ZBBX: variants seen among roughly 807,000 people sequenced by gnomAD.
ZBBX encodes the protein zinc finger B-box domain containing, also known as zinc finger B-box domain-containing protein 1.
In ZBBX, 101 loss-of-function variants were observed where a neutral mutation model predicts 108.5. The ratio of observed to expected loss-of-function variants is 0.93; its 90% CI spans 0.79 to 1.10. ZBBX has a LOEUF of 1.10. Ranked by LOEUF, ZBBX falls within the 50% of genes least tolerant of loss-of-function variation. ZBBX has a pLI of 0.00. For missense variants in ZBBX, 1,009 were observed against 941.4 expected (o/e 1.07, Z -0.94); for synonymous variants, 356 against 323.4 (o/e 1.10, Z -1.08).
the ZBBX span, among the ~76,000 whole-genome samples, chr3:167,193,466 CTA>C: frequency 6.6e-6 from 1 of 152,264 alleles, no homozygotes; most frequent in East Asian, 1.9e-4. Context: ...TTGTCTCTGG[CTA>C]TCCTCAGTGG....
Position 167,317,092 on chromosome 3 carries a change from T to C in ZBBX, c.1107A>G (p.Lys369=), listed in dbSNP as rs1191418379. ...GCAATAAAAGAGCTGTGTGTTGTAC[T>C]TTGGTCTCCTCACCTAGGAAATAAG... is the stretch of plus-strand genomic sequence containing the variant. ...NDEDSDGEET[K]VQHTALLLPV... Residue 369 remains lysine (K), a synonymous_variant, in exon 14 of 22, where the codon AAA becomes AAG. Coordinates refer to ENST00000675490, the MANE Select transcript of ZBBX (RefSeq NM_001199201.2). 2.5e-6 allele frequency: 4 copies of C among 1,605,680 alleles called. No individual in the cohort carries two copies. Among genetic ancestry groups the C allele is most frequent in the Non-Finnish European group, 3.4e-6 (4 of 1,174,352 alleles).
At chr3:167,264,997 C>T (rs750727937) in intron 20 of ZBBX, among the ~76,000 whole-genome samples, 11 of 152,210 alleles carry the variant, frequency 7.2e-5, no homozygotes, top group Non-Finnish European at 1.6e-4. Flanking sequence ...CCATGCCAGG[C>T]CAAGTCTAGA....
intron 17 of ZBBX, among the ~76,000 whole-genome samples, chr3:167,300,219 A>T (rs779229388): frequency 1.1e-4 from 17 of 152,180 alleles, no homozygotes; most frequent in Admixed American, 2.6e-4. Context: ...TTTGTTGAGA[A>T]TTCTTTTAAA....
At chr3:167,276,254 G>A (rs557925617) in intron 20 of ZBBX, among the ~76,000 whole-genome samples, 9 of 152,336 alleles carry the variant, frequency 5.9e-5, no homozygotes, top group African/African-American at 1.9e-4. Flanking sequence ...TGACTTTGAC[G>A]AGCTGAGAGA....
intron 5 of ZBBX, among the ~76,000 whole-genome samples, chr3:167,368,031 T>C (rs550755914): frequency 7.6e-4 from 113 of 148,800 alleles, no homozygotes; most frequent in African/African-American, 2.7e-3. Context: ...ATCTTCATTA[T>C]GTATATATAT....
intron 11 of ZBBX, among the ~76,000 whole-genome samples, chr3:167,325,695 G>A (rs1737252908): frequency 1.3e-5 from 2 of 152,054 alleles, no homozygotes; most frequent in African/African-American, 4.8e-5. Flanking sequence ...CCACCACATA[G>A]CGTGTACTCA....
chr3:167,248,325 A>G (rs577876211), intron 20 of ZBBX, among the ~76,000 whole-genome samples: 66 of 152,372 alleles, frequency 4.3e-4, no homozygotes, highest in Admixed American at 9.1e-4. Context: ...TCCCTGGCCA[A>G]GGAATTCAGC....
chr3:167,382,382 G>T (rs570881755), upstream of ZBBX, among the ~76,000 whole-genome samples: 1 of 152,146 alleles, frequency 6.6e-6, no homozygotes, highest in Non-Finnish European at 1.5e-5. Flanking sequence ...AGTAAAATGC[G>T]TTTAACTGGC....
rs530007658 is a variant in ZBBX, at chr3:167,279,780, G to A, written c.2254+2458C>T. Among the ~76,000 whole-genome samples, 414 of 152,106 alleles carry A rather than the reference G, an allele frequency of 2.7e-3. 2 individuals carry two copies. Among genetic ancestry groups the A allele is most frequent in the African/African-American group, 9.7e-3 (404 of 41,472 alleles). On this transcript the variant is annotated intron_variant, in intron 20 of 21. Coordinates refer to ENST00000675490, the MANE Select transcript of ZBBX (RefSeq NM_001199201.2). Reference sequence around the variant, plus strand: ...TTCATATGGAACCAGAAAAGAGCCCGCATCGCCAAGTCAATCCTAAGCCAA... The same window carrying A: ...TTCATATGGAACCAGAAAAGAGCCCACATCGCCAAGTCAATCCTAAGCCAA...
At chr3:167,188,529 C>A in the ZBBX span, among the ~76,000 whole-genome samples, 1 of 152,034 alleles carries the variant, frequency 6.6e-6, no homozygotes, top group South Asian at 2.1e-4. Flanking sequence ...AGTTTGTGAT[C>A]AGCATAAGAA....
At chr3:167,204,886 G>A in the ZBBX span, among the ~76,000 whole-genome samples, 2 of 151,156 alleles carry the variant, frequency 1.3e-5, no homozygotes, top group Admixed American at 1.3e-4. Flanking sequence ...ATAAGATATA[G>A]AGGACAGGAA....
intron 20 of ZBBX, among the ~76,000 whole-genome samples, chr3:167,252,746 G>A (rs1722835408): frequency 6.6e-6 from 1 of 152,090 alleles, no homozygotes; most frequent in Non-Finnish European, 1.5e-5. Flanking sequence ...TGATGTTAGT[G>A]TATGAGAAAA....
chr3:167,372,636 A>T (rs1427528488), intron 4 of ZBBX, among the ~76,000 whole-genome samples, 198 bp downstream of exon 4: 1 of 152,152 alleles, frequency 6.6e-6, no homozygotes, highest in Non-Finnish European at 1.5e-5. Context: ...AACTTGTCAC[A>T]TTGGTTCTTG....
At chr3:167,201,553 T>G in the ZBBX span, among the ~76,000 whole-genome samples, 1 of 152,148 alleles carries the variant, frequency 6.6e-6, no homozygotes, top group African/African-American at 2.4e-5. Flanking sequence ...CTCCACTAAT[T>G]GGTTATTTGT....
At chr3:167,277,927 A>G (rs968744240) in intron 20 of ZBBX, among the ~76,000 whole-genome samples, 2 of 151,568 alleles carry the variant, frequency 1.3e-5, no homozygotes, top group African/African-American at 4.9e-5. Context: ...ATGAAACTAG[A>G]ACTCAGGATT....
At chr3:167,334,082 G>C in intron 9 of ZBBX, 97 bp from the exon 10 acceptor site, 1 of 794,344 alleles carries the variant, frequency 1.3e-6, no homozygotes, top group Non-Finnish European at 1.8e-6. Context: ...ATGACTCCCA[G>C]AATTAAATAA....
chr3:167,284,431 G>A (rs963468899), intron 19 of ZBBX, among the ~76,000 whole-genome samples: 2 of 152,016 alleles, frequency 1.3e-5, no homozygotes, highest in Non-Finnish European at 2.9e-5. Context: ...CCACACTTTA[G>A]TATCTGTACT....
the ZBBX span, among the ~76,000 whole-genome samples, chr3:167,214,524 C>T: frequency 6.6e-6 from 1 of 152,134 alleles, no homozygotes. Flanking sequence ...GTAATAGACT[C>T]CCACATAAAT....
chr3:167,401,969 T>C (rs1279856667), intron 1 of ZBBX, among the ~76,000 whole-genome samples: 1 of 152,046 alleles, frequency 6.6e-6, no homozygotes, highest in Non-Finnish European at 1.5e-5. Context: ...AAGGTGCCCA[T>C]TATAAGTAAG....
Sources: gnomAD v4.1 joint callset for allele counts (sites outside exome capture counted in the v4.1 genomes callset) on GRCh38, gnomAD v4.1.1 for gene constraint, MANE v1.5 for transcripts, NCBI Gene and HGNC (gene_info 2026-07-23, HGNC 2026-07-21) for gene names.